KDM6A: variants seen among roughly 807,000 people sequenced by gnomAD.
KDM6A encodes lysine-specific demethylase 6A.
In KDM6A, 11 loss-of-function variants were observed where a neutral mutation model predicts 117.6. That is an observed-to-expected ratio of 0.09 (90% CI 0.06 to 0.15). The LOEUF (loss-of-function observed/expected upper bound fraction) is 0.15. KDM6A is among the 10% of genes least tolerant of loss of function. The pLI, the probability that KDM6A is intolerant of heterozygous loss-of-function variation, is 1.00. For missense variants in KDM6A, 799 were observed against 1,077.3 expected (o/e 0.74, Z 3.62); for synonymous variants, 384 against 396.1 (o/e 0.97, Z 0.36).
In KDM6A at chrX:45,060,683, G is replaced by T; in HGVS notation, c.1404G>T (p.Leu468Phe). 9.4e-7 allele frequency: 1 copy of T among 1,068,412 alleles called. No homozygotes were observed. The highest frequency in any genetic ancestry group is 1.2e-6 in the Non-Finnish European group (1 of 808,730). 88.0% of individuals were successfully genotyped at this position (1,068,412 alleles called of 1,213,427 possible). A position where few individuals can be genotyped will look rare whatever the true frequency, so the allele number is the denominator to read the frequency against. ...LSQTPISQQS[L>F]PLHMIPSSQV... ...AAACACCAATTTCACAGCAATCCTT[G>T]CCACTACACATGATTCCTTCTAGCC... is the stretch of plus-strand genomic sequence containing the variant. Residue 468 changes from leucine (L) to phenylalanine (F), a missense_variant, in exon 14 of 30, where the codon TTG becomes TTT. Coordinates refer to ENST00000611820, the MANE Select transcript of KDM6A (RefSeq NM_001291415.2).
chrX:44,922,717 C>T (rs1390099514), intron 2 of KDM6A, among the ~76,000 whole-genome samples: 1 of 112,886 alleles, frequency 8.9e-6, no homozygotes, highest in African/African-American at 3.2e-5. Flanking sequence ...GATCCTCCCG[C>T]CTCAGCCTCC....
At chrX:44,891,535 T>C (rs772096164) in intron 2 of KDM6A, among the ~76,000 whole-genome samples, 11 of 112,290 alleles carry the variant, frequency 9.8e-5, no homozygotes, top group Middle Eastern at 4.6e-3. Context: ...TTACTGTCAT[T>C]GTATAGTAGG....
intron 6 of KDM6A, among the ~76,000 whole-genome samples, chrX:45,028,796 T>G (rs1484159748): frequency 8.9e-6 from 1 of 112,521 alleles, no homozygotes; most frequent in Non-Finnish European, 1.9e-5. Context: ...CCTGCCCAAC[T>G]TTGGTTTTCT....
chrX:44,995,382 T>G (rs2040816882), intron 4 of KDM6A, among the ~76,000 whole-genome samples: 1 of 111,821 alleles, frequency 8.9e-6, no homozygotes, highest in East Asian at 2.8e-4. Context: ...TTTTTCAGTA[T>G]GTATACTGCT....
intron 2 of KDM6A, among the ~76,000 whole-genome samples, chrX:44,955,193 G>A (rs1486274030): frequency 9.0e-6 from 1 of 111,469 alleles, no homozygotes; most frequent in Non-Finnish European, 1.9e-5. Context: ...CTTCTCTTGT[G>A]TAAACAGAAG....
intron 27 of KDM6A, chrX:45,106,769 T>G (rs2046543177): frequency 3.8e-6 from 1 of 260,254 alleles, no homozygotes; most frequent in Admixed American, 5.2e-5. Flanking sequence ...AAGGTAGAAG[T>G]TATAAGAAAA....
intron 2 of KDM6A, among the ~76,000 whole-genome samples, chrX:44,917,187 C>T (rs1253596044): frequency 2.7e-5 from 3 of 110,088 alleles, no homozygotes; most frequent in Admixed American, 9.7e-5. Context: ...CCACCATCCC[C>T]GGCTAATATT....
chrX:44,958,447 G>A (rs1412393145), intron 2 of KDM6A, among the ~76,000 whole-genome samples: 1 of 109,981 alleles, frequency 9.1e-6, no homozygotes, highest in East Asian at 2.8e-4. Flanking sequence ...CTCCCAAAGT[G>A]CTGGGATTAC....
intron 4 of KDM6A, among the ~76,000 whole-genome samples, chrX:45,010,433 T>C (rs757213189): frequency 3.6e-5 from 4 of 111,783 alleles, no homozygotes; most frequent in African/African-American, 9.7e-5. Flanking sequence ...TGTTGACACA[T>C]GTCTTGTTTC....
chrX:44,930,114 T>A (rs2036542005), intron 2 of KDM6A, among the ~76,000 whole-genome samples: 1 of 111,492 alleles, frequency 9.0e-6, no homozygotes, highest in Non-Finnish European at 1.9e-5. Flanking sequence ...CTTTGGTGAG[T>A]ACCTATTCAA....
intron 2 of KDM6A, among the ~76,000 whole-genome samples, chrX:44,900,537 GAA>G (rs2034270657): frequency 8.9e-6 from 1 of 111,837 alleles, no homozygotes; most frequent in African/African-American, 3.3e-5. Context: ...TCTTCCTGGA[GAA>G]AAGATTGTTA....
rs1258046053 is a variant in KDM6A, at chrX:45,041,402, G to A, written c.654+3713G>A. 1.9e-3 allele frequency among the ~76,000 whole-genome samples: 187 copies of A among 98,290 alleles called. 3 individuals are homozygous for A. The highest frequency in any genetic ancestry group is 7.1e-3 in the African/African-American group (179 of 25,294). 85.4% of individuals were successfully genotyped at this position (98,290 alleles called of 115,157 possible). On this transcript the variant is annotated intron_variant, in intron 8 of 29. Coordinates refer to ENST00000611820, the MANE Select transcript of KDM6A (RefSeq NM_001291415.2). ...CGGGCAGAGGAGCCCCTCACCTCCC[G>A]GACGGGGCAGCTGGCCGGGCGGGGA...
intron 2 of KDM6A, among the ~76,000 whole-genome samples, chrX:44,897,342 ATTTGT>A (rs1251905019): frequency 3.8e-5 from 3 of 78,454 alleles, no homozygotes; most frequent in Non-Finnish European, 7.7e-5. Context: ...ATTTCTGTTT[ATTTGT>A]TTTAAGAGCA....
At chrX:45,106,423 A>G (rs1211007987) in intron 27 of KDM6A, 1 of 238,150 alleles carries the variant, frequency 4.2e-6, no homozygotes, top group African/African-American at 2.9e-5. Context: ...TGATTAAGCT[A>G]CTATATGCTA....
intron 5 of KDM6A, among the ~76,000 whole-genome samples, chrX:45,015,765 C>G (rs892192371): frequency 2.7e-5 from 3 of 111,516 alleles, no homozygotes; most frequent in Non-Finnish European, 3.8e-5. Context: ...TGGAAAATAG[C>G]AGATTTAAGG....
intron 21 of KDM6A, among the ~76,000 whole-genome samples, chrX:45,081,309 A>G (rs1273192929): frequency 8.9e-6 from 1 of 112,229 alleles, no homozygotes; most frequent in Non-Finnish European, 1.9e-5. Context: ...GACACTATAC[A>G]TTTAAAGGAA....
intron 2 of KDM6A, among the ~76,000 whole-genome samples, chrX:44,946,179 C>T (rs146657540): frequency 0.01 from 1,122 of 112,186 alleles, 14 homozygotes; most frequent in African/African-American, 0.035. Context: ...TCACTGCAAC[C>T]TCTGCCTCCC....
intron 17 of KDM6A, among the ~76,000 whole-genome samples, chrX:45,064,056 C>G (rs1003171794): frequency 1.8e-5 from 2 of 111,923 alleles, no homozygotes; most frequent in Non-Finnish European, 3.8e-5. Context: ...GAAAATAGAT[C>G]ATATAAATCA....
chrX:45,082,866 T>G, intron 23 of KDM6A, 77 bp downstream of exon 23: 1 of 644,637 alleles, frequency 1.6e-6, no homozygotes, highest in Non-Finnish European at 2.5e-6. Flanking sequence ...CTCTACAATT[T>G]CCTCTTCTGT....
Sources: gnomAD v4.1 joint callset for allele counts (sites outside exome capture counted in the v4.1 genomes callset) on GRCh38, gnomAD v4.1.1 for gene constraint, MANE v1.5 for transcripts, NCBI Gene and HGNC (gene_info 2026-07-23, HGNC 2026-07-21) for gene names.